Variants in TASP1 observed in about 807,000 individuals in gnomAD.
TASP1 encodes the protein threonine aspartase 1.
Under a neutral mutation model 56.6 loss-of-function variants are expected in TASP1, and 16 were observed. The ratio of observed to expected loss-of-function variants is 0.28; its 90% CI spans 0.19 to 0.43. The LOEUF (loss-of-function observed/expected upper bound fraction) is 0.43, where lower values mean the gene tolerates loss of function less well. Ranked by LOEUF, TASP1 falls within the 20% of genes least tolerant of loss-of-function variation. The probability of loss-of-function intolerance (pLI) is 1.00; values close to 1 mark genes in which losing one functional copy is unlikely to be tolerated. For missense variants in TASP1, 393 were observed against 511.6 expected, an observed-to-expected ratio of 0.77 and a Z score of 2.24; for synonymous variants, 179 against 184.2, an observed-to-expected ratio of 0.97 and a Z score of 0.23.
At chr20:13,304,999 T>A in the TASP1 span, among the ~76,000 whole-genome samples, 2 of 152,298 alleles carry the variant, frequency 1.3e-5, no homozygotes, top group Admixed American at 1.3e-4. Context: ...GCTTAAATAC[T>A]TATTAAGTGC....
At chr20:13,290,011 T>G in the TASP1 span, among the ~76,000 whole-genome samples, 1 of 152,150 alleles carries the variant, frequency 6.6e-6, no homozygotes, top group Non-Finnish European at 1.5e-5. Flanking sequence ...AAGGCGTTTC[T>G]GAGGAGAGGG....
At chr20:13,153,636 A>G in the TASP1 span, among the ~76,000 whole-genome samples, 1 of 152,134 alleles carries the variant, frequency 6.6e-6, no homozygotes, top group African/African-American at 2.4e-5. Flanking sequence ...GGGTGGGGGA[A>G]GTGGTTATGT....
At chr20:13,221,907 A>G in the TASP1 span, 3 of 1,366,782 alleles carry the variant, frequency 2.2e-6, no homozygotes, top group Non-Finnish European at 2.8e-6. Flanking sequence ...AGCCAAGCCC[A>G]GCTGCAGGTG....
intron 8 of TASP1, among the ~76,000 whole-genome samples, chr20:13,542,720 C>A (rs2045668293): frequency 6.6e-6 from 1 of 151,932 alleles, no homozygotes. Flanking sequence ...ATTAAAAATT[C>A]TTCTAAATAA....
At position 13,558,258 on chromosome 20, in the gene TASP1, G is replaced by A. The variant is rs546485385; in HGVS notation, c.675+750C>T. Among the ~76,000 whole-genome samples, 5 of 152,270 alleles carry A rather than the reference G, an allele frequency of 3.3e-5. No individual in the cohort carries two copies. In the South Asian group the frequency reaches 8.3e-4, roughly 25 times the overall value. ...CTATGTGACCTGGGACACCCATCAT[G>A]AGCTGTATGCTAAGAAACCCCTAAG... On this transcript the variant is annotated intron_variant, in intron 8 of 13. Coordinates refer to ENST00000337743, the MANE Select transcript of TASP1 (RefSeq NM_017714.3).
rs2048868568 is a variant in TASP1 at position 13,625,817 on chromosome 20, G to A, written c.146-565C>T. ...CTCACCCACTAGAATGTAGCTCAGG[G>A]TGTCTCTGAAAGCTAAGTGACAGCA... On this transcript the variant is annotated intron_variant, in intron 2 of 13. Transcript: ENST00000337743. Among the ~76,000 whole-genome samples, 3 of 152,174 alleles carry A rather than the reference G, an allele frequency of 2.0e-5. No homozygotes were observed. In the South Asian group the frequency reaches 6.2e-4, roughly 32 times the overall value.
the TASP1 span, among the ~76,000 whole-genome samples, chr20:13,233,431 A>G: frequency 1.1e-3 from 160 of 152,090 alleles, 1 homozygote; most frequent in African/African-American, 3.6e-3. Flanking sequence ...CCCCATCTCT[A>G]CTGACAATAC....
At chr20:13,129,633 T>C in the TASP1 span, among the ~76,000 whole-genome samples, 3,538 of 152,362 alleles carry the variant, frequency 0.023, 54 homozygotes, top group Non-Finnish European at 0.034. Context: ...TTGGTCTATA[T>C]GTCATCCGAA....
intron 8 of TASP1, among the ~76,000 whole-genome samples, chr20:13,548,419 C>G (rs2045878092): frequency 6.6e-6 from 1 of 151,828 alleles, no homozygotes; most frequent in South Asian, 2.1e-4. Flanking sequence ...AGAAAACAGG[C>G]AACTGGAACA....
At chr20:13,526,758 G>T (rs2044996127) in intron 10 of TASP1, among the ~76,000 whole-genome samples, 1 of 152,096 alleles carries the variant, frequency 6.6e-6, no homozygotes, top group African/African-American at 2.4e-5. Flanking sequence ...CAGGAAAGAA[G>T]AAACAGAAAG....
chr20:13,330,444 A>G, the TASP1 span, among the ~76,000 whole-genome samples: 2 of 149,202 alleles, frequency 1.3e-5, no homozygotes, highest in Non-Finnish European at 3.0e-5. Context: ...GGACTTTTGC[A>G]TCTATATTTA....
chr20:13,452,398 G>C (rs1228168069), intron 11 of TASP1, among the ~76,000 whole-genome samples: 2 of 148,446 alleles, frequency 1.3e-5, no homozygotes, highest in Non-Finnish European at 3.0e-5. Context: ...CCCAAGCAGT[G>C]TGATACACAT....
At chr20:13,480,273 C>T (rs1044357993) in intron 11 of TASP1, among the ~76,000 whole-genome samples, 14 of 152,184 alleles carry the variant, frequency 9.2e-5, no homozygotes, top group African/African-American at 7.2e-5. Flanking sequence ...ACCAATGAGA[C>T]GGACACAAAG....
chr20:13,226,996 A>C, the TASP1 span, among the ~76,000 whole-genome samples: 1 of 152,320 alleles, frequency 6.6e-6, no homozygotes, highest in Non-Finnish European at 1.5e-5. Context: ...TAGAACCCAT[A>C]GTGCAAGGAC....
chr20:13,569,615 T>G, intron 6 of TASP1, 29 bp from the exon 7 acceptor site: 1 of 1,577,416 alleles, frequency 6.3e-7, no homozygotes, highest in Non-Finnish European at 8.7e-7. Context: ...TTTTTAAAAT[T>G]CACAGTGTCA....
chr20:13,226,183 A>G, the TASP1 span, among the ~76,000 whole-genome samples: 2 of 150,268 alleles, frequency 1.3e-5, no homozygotes, highest in African/African-American at 4.9e-5. Flanking sequence ...TTTCCTAACT[A>G]TCATCTTTAT....
the TASP1 span, chr20:13,222,027 G>T: frequency 9.6e-7 from 1 of 1,037,366 alleles, no homozygotes; most frequent in Non-Finnish European, 1.2e-6. Context: ...CCCCACCTAA[G>T]AGCAACTGTT....
chr20:13,114,216 C>G, the TASP1 span, among the ~76,000 whole-genome samples: 2 of 152,178 alleles, frequency 1.3e-5, no homozygotes, highest in African/African-American at 2.4e-5. Flanking sequence ...GGCATTGAAA[C>G]GTAAAACCCA....
intron 8 of TASP1, among the ~76,000 whole-genome samples, chr20:13,556,603 A>G (rs916836667): frequency 5.9e-5 from 9 of 152,182 alleles, no homozygotes; most frequent in Non-Finnish European, 1.3e-4. Flanking sequence ...GCCCATACCA[A>G]CTGCTCCAGC....
Sources: allele counts gnomAD v4.1 joint callset (sites outside exome capture counted in the v4.1 genomes callset), GRCh38; gene constraint gnomAD v4.1.1; transcripts MANE v1.5; gene names NCBI Gene and HGNC (gene_info 2026-07-23, HGNC 2026-07-21).